The following UBE3D variants were observed in gnomAD, a reference collection of about 807,000 sequenced individuals.
UBE3D encodes the protein ubiquitin protein ligase E3D.
Under a neutral mutation model 49.6 loss-of-function variants are expected in UBE3D, and 48 were observed. That is an observed-to-expected ratio of 0.97 (90% CI 0.77 to 1.23). UBE3D has a LOEUF of 1.23. Among genes scored for constraint, UBE3D ranks in the 50% most tolerant of loss-of-function variants. The pLI, the probability that UBE3D is intolerant of heterozygous loss-of-function variation, is 0.00. For synonymous variants in UBE3D, 189 were observed against 174.2 expected (o/e 1.08, Z -0.67); for missense variants, 452 against 468.4 (o/e 0.96, Z 0.32).
intron 9 of UBE3D, among the ~76,000 whole-genome samples, chr6:82,940,132 G>T (rs1315420845): frequency 6.6e-6 from 1 of 152,172 alleles, no homozygotes. Flanking sequence ...TTAACCTCCA[G>T]GCTGTCTGCC....
Position 83,010,970 on chromosome 6 carries a change from T to A in UBE3D, c.1010+8003A>T, listed in dbSNP as rs1780296276. 1.3e-5 allele frequency among the ~76,000 whole-genome samples: 2 copies of A among 152,092 alleles called. 1 individual carries two copies. Among genetic ancestry groups the A allele is most frequent in the African/African-American group, 4.8e-5 (2 of 41,396 alleles). On this transcript the variant is annotated intron_variant, in intron 8 of 9. Coordinates refer to ENST00000369747, the MANE Select transcript of UBE3D (RefSeq NM_198920.3). ...TCAAGTTTATACTTAGTATTAACCA[T>A]CACAAGTCGACCCCTTGTCAACTTG...
intron 2 of UBE3D, among the ~76,000 whole-genome samples, 176 bp from the exon 3 acceptor site, chr6:83,054,414 GTT>G (rs1209697428): frequency 1.3e-5 from 2 of 151,968 alleles, no homozygotes; most frequent in African/African-American, 4.8e-5. Flanking sequence ...ATTGTGAAGT[GTT>G]TTTGAAAACA....
chr6:82,924,310 G>A (rs933440122), intron 9 of UBE3D, among the ~76,000 whole-genome samples: 4 of 152,058 alleles, frequency 2.6e-5, no homozygotes, highest in African/African-American at 7.2e-5. Flanking sequence ...TGATATGAAC[G>A]TTTTAGAGAA....
intron 5 of UBE3D, among the ~76,000 whole-genome samples, chr6:83,035,057 T>G (rs1782147951): frequency 1.3e-5 from 2 of 151,784 alleles, no homozygotes; most frequent in African/African-American, 4.8e-5. Context: ...GGTATGCACC[T>G]GTGGTCCCGG....
At position 82,905,200 on chromosome 6, in the gene UBE3D, TACA is replaced by T. The variant is rs576157004; in HGVS notation, c.1150-12161_1150-12159del. Among the ~76,000 whole-genome samples, 15 of 152,346 alleles carry T rather than the reference TACA, an allele frequency of 9.8e-5. No homozygotes were observed. In the South Asian group the frequency reaches 3.1e-3, roughly 32 times the overall value. ...TGTACTTTGCAGATACAGCATTTTTTACAAATTGAAGGTTTGCAGTAACCCTGC... is the reference window on the plus strand; with the variant it reads ...TGTACTTTGCAGATACAGCATTTTTTAATTGAAGGTTTGCAGTAACCCTGC... On this transcript the variant is annotated intron_variant, in intron 9 of 9. Coordinates refer to ENST00000369747, the MANE Select transcript of UBE3D (RefSeq NM_198920.3).
At chr6:82,920,833 A>AAACG (rs2127734982) in intron 9 of UBE3D, among the ~76,000 whole-genome samples, 1 of 4,896 alleles carries the variant, frequency 2.0e-4, no homozygotes, top group South Asian at 0.016. Context: ...TCTTCTAGGA[A>AAACG]AACAAACAAA....
At chr6:82,907,510 G>A (rs866579303) in intron 9 of UBE3D, among the ~76,000 whole-genome samples, 3 of 152,104 alleles carry the variant, frequency 2.0e-5, no homozygotes, top group Non-Finnish European at 4.4e-5. Flanking sequence ...AGTGGTGGGG[G>A]ATGTAGGAGG....
intron 8 of UBE3D, among the ~76,000 whole-genome samples, chr6:82,969,586 T>G (rs1032694085): frequency 6.6e-6 from 1 of 151,962 alleles, no homozygotes; most frequent in African/African-American, 2.4e-5. Flanking sequence ...CCAGACCGAG[T>G]GACAGAGTGA....
At chr6:82,966,689 C>A (rs1776961004) in intron 8 of UBE3D, among the ~76,000 whole-genome samples, 1 of 150,730 alleles carries the variant, frequency 6.6e-6, no homozygotes, top group African/African-American at 2.4e-5. Context: ...GAATTGTACC[C>A]TTTAAAAGAA....
chr6:82,931,127 G>A (rs945505568), intron 9 of UBE3D, among the ~76,000 whole-genome samples: 1 of 152,212 alleles, frequency 6.6e-6, no homozygotes, highest in Non-Finnish European at 1.5e-5. Flanking sequence ...GAGGGTGCAA[G>A]CCCCAAGCCT....
At chr6:83,030,688 C>A (rs1781802979) in intron 5 of UBE3D, among the ~76,000 whole-genome samples, 2 of 152,212 alleles carry the variant, frequency 1.3e-5, no homozygotes, top group Admixed American at 1.3e-4. Context: ...GAGGTTGGAA[C>A]AGTTTGGAGG....
rs1380764892 is a variant in UBE3D, at chr6:82,904,143, T to G, written c.1150-11101A>C. On this transcript the variant is annotated intron_variant, in intron 9 of 9. Coordinates refer to ENST00000369747, the MANE Select transcript of UBE3D (RefSeq NM_198920.3). Reference sequence around the variant, plus strand: ...CTGGAGAATTGGAGATAAAGTACAGTAAGTCCCCAGTTAATGTTGTTGATA... The same window carrying G: ...CTGGAGAATTGGAGATAAAGTACAGGAAGTCCCCAGTTAATGTTGTTGATA... 2.0e-5 allele frequency among the ~76,000 whole-genome samples: 3 copies of G among 152,180 alleles called. No individual in the cohort carries two copies. The East Asian group carries it at 5.8e-4, about 29-fold the overall frequency.
chr6:82,907,877 T>C (rs189151074), intron 9 of UBE3D, among the ~76,000 whole-genome samples: 1 of 152,212 alleles, frequency 6.6e-6, no homozygotes, highest in East Asian at 1.9e-4. Context: ...CACAAAAAGA[T>C]TTTACCAGAA....
At chr6:83,038,885 C>T (rs942181902) in intron 4 of UBE3D, among the ~76,000 whole-genome samples, 5 of 152,226 alleles carry the variant, frequency 3.3e-5, no homozygotes, top group African/African-American at 1.2e-4. Flanking sequence ...AGAACTTGAA[C>T]TCACACTATT....
intron 7 of UBE3D, 69 bp downstream of exon 7, chr6:83,022,384 G>GA (rs1047571743): frequency 2.9e-6 from 3 of 1,038,404 alleles, no homozygotes; most frequent in Non-Finnish European, 4.1e-6. Flanking sequence ...AAAAAAGGAT[G>GA]AAAAAACTGA....
chr6:82,983,283 T>G lies in UBE3D; in HGVS notation c.1011-25833A>C, dbSNP rs147767859. Among the ~76,000 whole-genome samples the G allele has an allele frequency of 5.9e-5, 9 of 152,198 alleles. No individual in the cohort carries two copies. The East Asian group carries it at 1.7e-3, about 29-fold the overall frequency. ...TACCCATTTTTTGGCCAGTGAAGCC[T>G]ATTCAAGTTGTCTCCTGAGTCCTTT... On this transcript the variant is annotated intron_variant, in intron 8 of 9. Coordinates refer to ENST00000369747, the MANE Select transcript of UBE3D (RefSeq NM_198920.3).
At chr6:82,889,522 G>C (rs565469357), downstream of UBE3D, among the ~76,000 whole-genome samples, 4 of 152,068 alleles carry the variant, frequency 2.6e-5, no homozygotes, top group South Asian at 8.3e-4. Flanking sequence ...CATGTGATCT[G>C]TTGGCCTTTA....
chr6:83,034,922 C>T (rs117276865), intron 5 of UBE3D, among the ~76,000 whole-genome samples: 8,236 of 152,148 alleles, frequency 0.054, 289 homozygotes, highest in Middle Eastern at 0.15. Context: ...TTGGCTCATG[C>T]CTGTAATCCC....
chr6:83,041,895 C>T (rs1231301890), intron 4 of UBE3D, among the ~76,000 whole-genome samples: 1 of 151,954 alleles, frequency 6.6e-6, no homozygotes, highest in Non-Finnish European at 1.5e-5. Context: ...GGATGAAATG[C>T]CATCCTTATC....
Sources: allele counts gnomAD v4.1 joint callset (sites outside exome capture counted in the v4.1 genomes callset), GRCh38; gene constraint gnomAD v4.1.1; transcripts MANE v1.5; gene names NCBI Gene and HGNC (gene_info 2026-07-23, HGNC 2026-07-21).